ANK2: variants seen among roughly 807,000 people sequenced by gnomAD.
ANK2 encodes ankyrin-2.
ANK2 carries 83 observed loss-of-function variants against 360.5 expected under a neutral mutation model. The ratio of observed to expected loss-of-function variants is 0.23; its 90% CI spans 0.19 to 0.28. The LOEUF is 0.28. Among genes scored for constraint, ANK2 ranks in the 10% least tolerant of loss-of-function variants. The probability of loss-of-function intolerance (pLI) is 1.00; values close to 1 mark genes in which losing one functional copy is unlikely to be tolerated. For synonymous variants in ANK2, 1,740 were observed against 1,759.5 expected (o/e 0.99, Z 0.28); for missense variants, 4,201 against 4,795.7 (o/e 0.88, Z 3.66).
chr4:112,860,388 G>A (rs2067620608), intron 1 of ANK2, among the ~76,000 whole-genome samples: 1 of 152,006 alleles, frequency 6.6e-6, no homozygotes, highest in African/African-American at 2.4e-5. Context: ...CACCATGCCA[G>A]GCTAATTTTT....
At chr4:113,215,482 C>A (rs1410722878) in intron 4 of ANK2, among the ~76,000 whole-genome samples, 10 of 152,036 alleles carry the variant, frequency 6.6e-5, no homozygotes, top group Admixed American at 6.5e-4. Flanking sequence ...AACAATATTG[C>A]CCAAAATGGC....
chr4:113,334,070 G>A (rs2093056345), intron 29 of ANK2, among the ~76,000 whole-genome samples: 1 of 151,908 alleles, frequency 6.6e-6, no homozygotes, highest in Admixed American at 6.5e-5. Flanking sequence ...AGACACTCAA[G>A]AGCAAGTATA....
chr4:113,210,645 A>C (rs966455921), intron 4 of ANK2, among the ~76,000 whole-genome samples: 1 of 152,208 alleles, frequency 6.6e-6, no homozygotes, highest in Non-Finnish European at 1.5e-5. Flanking sequence ...TATCTGTAAA[A>C]CAGGTAAGGA....
At chr4:113,373,704 A>G in intron 45 of ANK2, 2 of 631,650 alleles carry the variant, frequency 3.2e-6, no homozygotes, top group South Asian at 1.5e-5. Context: ...TATTTAATTC[A>G]TGGTTGACCA....
chr4:112,912,655 T>G (rs1047202321), intron 2 of ANK2, among the ~76,000 whole-genome samples: 3 of 152,102 alleles, frequency 2.0e-5, no homozygotes, highest in African/African-American at 7.2e-5. Context: ...AGACCAAATT[T>G]GTGAGCAGCC....
At chr4:113,097,943 G>C (rs1373899267) in intron 1 of ANK2, among the ~76,000 whole-genome samples, 1 of 147,958 alleles carries the variant, frequency 6.8e-6, no homozygotes, top group Non-Finnish European at 1.5e-5. Flanking sequence ...TCATAAATGT[G>C]CTTGTGTATA....
At chr4:113,015,365 T>A (rs547451537) in intron 2 of ANK2, among the ~76,000 whole-genome samples, 1 of 152,300 alleles carries the variant, frequency 6.6e-6, no homozygotes, top group African/African-American at 2.4e-5. Flanking sequence ...ATAAATAATA[T>A]GACAATTTTT....
chr4:113,090,902 T>G (rs952785848), intron 1 of ANK2, among the ~76,000 whole-genome samples: 1 of 152,338 alleles, frequency 6.6e-6, no homozygotes, highest in Middle Eastern at 3.4e-3. Flanking sequence ...GCATTTGAGT[T>G]TGAGACAATG....
chr4:113,039,417 T>G (rs2062393930), intron 2 of ANK2, among the ~76,000 whole-genome samples: 1 of 152,114 alleles, frequency 6.6e-6, no homozygotes, highest in Non-Finnish European at 1.5e-5. Flanking sequence ...TGGGGTATTT[T>G]GCAGCATTTT....
At chr4:112,984,778 T>C (rs2044295446) in intron 2 of ANK2, among the ~76,000 whole-genome samples, 1 of 152,212 alleles carries the variant, frequency 6.6e-6, no homozygotes, top group Admixed American at 6.5e-5. Flanking sequence ...TTCATTCTCA[T>C]GGTCAGAAGT....
At chr4:113,019,008 A>G (rs1311895367) in intron 2 of ANK2, among the ~76,000 whole-genome samples, 1 of 152,130 alleles carries the variant, frequency 6.6e-6, no homozygotes, top group Non-Finnish European at 1.5e-5. Flanking sequence ...GAGGAGAACA[A>G]CTATGCAACT....
chr4:113,144,914 T>C (rs948578919), intron 1 of ANK2, among the ~76,000 whole-genome samples: 6 of 151,108 alleles, frequency 4.0e-5, no homozygotes, highest in Admixed American at 4.0e-4. Context: ...TTTGATTTGA[T>C]CATAATTAGC....
chr4:112,921,148 T>A (rs1171093706), intron 2 of ANK2, among the ~76,000 whole-genome samples: 1 of 149,050 alleles, frequency 6.7e-6, no homozygotes, highest in African/African-American at 2.5e-5. Flanking sequence ...CATCTCAGCC[T>A]TCCAAGTAGC....
intron 2 of ANK2, among the ~76,000 whole-genome samples, chr4:113,006,810 C>A (rs934947670): frequency 2.0e-5 from 3 of 151,756 alleles, no homozygotes; most frequent in African/African-American, 7.2e-5. Flanking sequence ...TTTCCCTTTT[C>A]CTTATCCTGC....
At chr4:113,297,257 C>A (rs1235382772) in intron 22 of ANK2, among the ~76,000 whole-genome samples, 1 of 152,096 alleles carries the variant, frequency 6.6e-6, no homozygotes, top group Non-Finnish European at 1.5e-5. Context: ...GGCATTTTGG[C>A]CTCCCAAAAT....
At chr4:113,210,646 CA>C (rs991197172) in intron 4 of ANK2, among the ~76,000 whole-genome samples, 1 of 152,264 alleles carries the variant, frequency 6.6e-6, no homozygotes, top group African/African-American at 2.4e-5. Flanking sequence ...ATCTGTAAAA[CA>C]GGTAAGGAAT....
rs1376092064 is a variant in ANK2 at position 113,293,600 on chromosome 4, G to A, written c.2475+62G>A. 5 of 1,447,294 alleles carry A rather than the reference G, an allele frequency of 3.5e-6. No homozygotes were observed. In the African/African-American group the frequency reaches 5.6e-5, roughly 16 times the overall value. The allele number at this position is 1,447,294 out of a possible 1,614,324, so 89.7% of individuals were successfully genotyped here. On this transcript the variant is annotated intron_variant, in intron 22 of 45. Transcript: ENST00000357077. ...TTCTTCGTTTTCAAACTAAATACATGTACAGTACTTTTTCACTCACAAGAT... is the reference window on the plus strand; with the variant it reads ...TTCTTCGTTTTCAAACTAAATACATATACAGTACTTTTTCACTCACAAGAT...
intron 1 of ANK2, among the ~76,000 whole-genome samples, chr4:113,161,748 G>T (rs2097544394): frequency 6.6e-6 from 1 of 151,572 alleles, no homozygotes; most frequent in Non-Finnish European, 1.5e-5. Context: ...GTGCATGTAT[G>T]CGCTGCAATT....
At chr4:112,741,135 ATTAT>A in the ANK2 span, among the ~76,000 whole-genome samples, 1 of 152,012 alleles carries the variant, frequency 6.6e-6, no homozygotes, top group Non-Finnish European at 1.5e-5. Context: ...TGGCAAAAGT[ATTAT>A]TCTCTTAATG....
Sources: allele counts gnomAD v4.1 joint callset (sites outside exome capture counted in the v4.1 genomes callset), GRCh38; gene constraint gnomAD v4.1.1; transcripts MANE v1.5; gene names NCBI Gene and HGNC (gene_info 2026-07-23, HGNC 2026-07-21).